Variants in SYK observed in about 807,000 individuals in gnomAD.
SYK encodes spleen associated tyrosine kinase, also known as tyrosine-protein kinase SYK.
Under a neutral mutation model 77.8 loss-of-function variants are expected in SYK, and 16 were observed. The observed-to-expected ratio is 0.21, with a 90% confidence interval of 0.14 to 0.31. SYK has a LOEUF of 0.31. SYK is among the 10% of genes least tolerant of loss of function. The probability of loss-of-function intolerance (pLI) is 1.00; values close to 1 mark genes in which losing one functional copy is unlikely to be tolerated. For synonymous variants in SYK, 312 were observed against 308.7 expected, an observed-to-expected ratio of 1.01 and a Z score of -0.11; for missense variants, 529 against 814.4, an observed-to-expected ratio of 0.65 and a Z score of 4.26.
At chr9:90,849,827 G>A (rs146653115) in intron 3 of SYK, among the ~76,000 whole-genome samples, 3 of 152,326 alleles carry the variant, frequency 2.0e-5, no homozygotes, top group Non-Finnish European at 4.4e-5. Context: ...TGGCTTTAAT[G>A]TCATCTCTGA....
intron 3 of SYK, among the ~76,000 whole-genome samples, chr9:90,848,579 T>C (rs1448611492): frequency 6.6e-6 from 1 of 152,258 alleles, no homozygotes; most frequent in Non-Finnish European, 1.5e-5. Context: ...GCTGTTTTTT[T>C]CCCACTGTTC....
chr9:90,864,464 C>T (rs2118799629), intron 4 of SYK, 125 bp from the exon 5 acceptor site: 1 of 784,502 alleles, frequency 1.3e-6, no homozygotes, highest in Non-Finnish European at 2.1e-6. Context: ...GACTTAAGCA[C>T]ATAAAAGCAT....
intron 13 of SYK, among the ~76,000 whole-genome samples, 163 bp downstream of exon 13, chr9:90,888,790 C>CTTTCT (rs1355468106): frequency 3.9e-5 from 6 of 152,226 alleles, no homozygotes; most frequent in Non-Finnish European, 8.8e-5. Context: ...AGAGACCTTG[C>CTTTCT]TTTCTGGCCC....
At chr9:90,828,144 A>G (rs1184390264) in intron 1 of SYK, among the ~76,000 whole-genome samples, 1 of 151,372 alleles carries the variant, frequency 6.6e-6, no homozygotes, top group Non-Finnish European at 1.5e-5. Flanking sequence ...AGAGCCTGAA[A>G]GCGGGAAACT....
Position 90,896,579 on chromosome 9 carries a change from T to C in SYK, c.*979T>C, listed in dbSNP as rs1828998072. 4.3e-6 allele frequency: 1 copy of C among 232,864 alleles called. No individual in the cohort carries two copies. Among genetic ancestry groups the C allele is most frequent in the Non-Finnish European group, 8.5e-6 (1 of 117,810 alleles). The allele number at this position is 232,864 out of a possible 1,614,324, so 14.4% of individuals were successfully genotyped here. A position where few individuals can be genotyped will look rare whatever the true frequency, so the allele number is the denominator to read the frequency against. ...CCATCTAAAGAGTTTCCAAAGAAAG[T>C]ATTAATTCAGAACAAGCCAAAGACC... is the stretch of plus-strand genomic sequence containing the variant. On this transcript the variant is annotated 3_prime_UTR_variant, in exon 14 of 14. Coordinates refer to ENST00000375754, the MANE Select transcript of SYK (RefSeq NM_003177.7).
chr9:90,858,549 G>A (rs1388665354), intron 3 of SYK, among the ~76,000 whole-genome samples: 1 of 152,260 alleles, frequency 6.6e-6, no homozygotes, highest in African/African-American at 2.4e-5. Context: ...CCCTCTCTGG[G>A]TGTCTGTAGA....
intron 2 of SYK, 23 bp from the exon 3 acceptor site, chr9:90,845,411 C>G (rs749124623): frequency 6.2e-7 from 1 of 1,608,012 alleles, no homozygotes; most frequent in East Asian, 2.2e-5. Context: ...ATGGTTTACT[C>G]TGCTTTGCTC....
intron 1 of SYK, among the ~76,000 whole-genome samples, chr9:90,843,450 G>A (rs1375122089): frequency 6.6e-6 from 1 of 152,166 alleles, no homozygotes; most frequent in Non-Finnish European, 1.5e-5. Flanking sequence ...CTGGACTCAG[G>A]AGGAGCAGTT....
intron 1 of SYK, among the ~76,000 whole-genome samples, chr9:90,831,765 T>C (rs1218068460): frequency 2.0e-5 from 3 of 152,256 alleles, no homozygotes; most frequent in African/African-American, 7.2e-5. Flanking sequence ...GGTGACACTC[T>C]GCTTTCTTGT....
chr9:90,810,573 C>T (rs906918824), intron 1 of SYK, among the ~76,000 whole-genome samples: 3 of 152,056 alleles, frequency 2.0e-5, no homozygotes, highest in Non-Finnish European at 4.4e-5. Flanking sequence ...TCTGTGATGC[C>T]ATCAAGAGCA....
At chr9:90,822,529 T>G (rs1170111289) in intron 1 of SYK, among the ~76,000 whole-genome samples, 2 of 152,266 alleles carry the variant, frequency 1.3e-5, no homozygotes, top group East Asian at 3.8e-4. Context: ...ATAGTCAATA[T>G]TTCTAAAATA....
At chr9:90,813,650 A>T (rs1205727893) in intron 1 of SYK, among the ~76,000 whole-genome samples, 1 of 152,196 alleles carries the variant, frequency 6.6e-6, no homozygotes, top group Non-Finnish European at 1.5e-5. Context: ...GCTCACAAAG[A>T]ATAGGCCCTC....
chr9:90,823,077 A>G lies in SYK; in HGVS notation c.-41-20781A>G, dbSNP rs539854691. On this transcript the variant is annotated intron_variant, in intron 1 of 13. Coordinates refer to ENST00000375754, the MANE Select transcript of SYK (RefSeq NM_003177.7). The stretch of plus-strand genomic sequence containing the variant: ...GCCTTGTCTCAGCTGGGAATTCCCA[A>G]GGGAATTCCTCAAGTTCCAGCACCC... Among the ~76,000 whole-genome samples, 58 of 152,286 alleles carry G rather than the reference A, an allele frequency of 3.8e-4. 2 individuals carry two copies. The South Asian group carries it at 0.011, about 30-fold the overall frequency.
chr9:90,846,960 A>G (rs73650267), intron 3 of SYK, among the ~76,000 whole-genome samples: 1 of 152,380 alleles, frequency 6.6e-6, no homozygotes, highest in African/African-American at 2.4e-5. Context: ...CCAAAATAGC[A>G]TAATCCACAC....
intron 1 of SYK, among the ~76,000 whole-genome samples, chr9:90,813,472 G>A (rs985283530): frequency 6.6e-6 from 1 of 152,150 alleles, no homozygotes; most frequent in African/African-American, 2.4e-5. Flanking sequence ...CCTCTCTGGG[G>A]GCAGAGTGGT....
At chr9:90,843,423 G>A (rs1826450678) in intron 1 of SYK, among the ~76,000 whole-genome samples, 1 of 152,176 alleles carries the variant, frequency 6.6e-6, no homozygotes, top group African/African-American at 2.4e-5. Context: ...TGAGGAGCAA[G>A]GCTTCTCTAA....
At chr9:90,802,386 T>G (rs749133888) in intron 1 of SYK, among the ~76,000 whole-genome samples, 4 of 152,184 alleles carry the variant, frequency 2.6e-5, no homozygotes, top group Non-Finnish European at 5.9e-5. Flanking sequence ...AGACAAATCT[T>G]TTACTACAAA....
At chr9:90,813,404 T>C (rs887953472) in intron 1 of SYK, among the ~76,000 whole-genome samples, 3 of 151,908 alleles carry the variant, frequency 2.0e-5, no homozygotes, top group Admixed American at 6.6e-5. Flanking sequence ...TTTAATAAAA[T>C]CTCTAGAATT....
At chr9:90,855,742 C>G (rs1449534855) in intron 3 of SYK, among the ~76,000 whole-genome samples, 1 of 151,084 alleles carries the variant, frequency 6.6e-6, no homozygotes, top group African/African-American at 2.4e-5. Context: ...AAGAAAGAAC[C>G]ATCTGGAGGG....
Sources: allele counts gnomAD v4.1 joint callset (sites outside exome capture counted in the v4.1 genomes callset), GRCh38; gene constraint gnomAD v4.1.1; transcripts MANE v1.5; gene names NCBI Gene and HGNC (gene_info 2026-07-23, HGNC 2026-07-21).